Variants in FILIP1L observed in about 807,000 individuals in gnomAD.
The protein encoded by FILIP1L is filamin A-interacting protein 1-like.
Under a neutral mutation model 96.6 loss-of-function variants are expected in FILIP1L, and 55 were observed. The observed-to-expected ratio is 0.57, with a 90% CI of 0.46 to 0.71. FILIP1L has a LOEUF of 0.71. Ranked by LOEUF, FILIP1L falls within the 30% of genes least tolerant of loss-of-function variation. The pLI is 0.00. For missense variants in FILIP1L, 1,304 were observed against 1,321.2 expected, an observed-to-expected ratio of 0.99 and a Z score of 0.20; for synonymous variants, 467 against 473.9, an observed-to-expected ratio of 0.99 and a Z score of 0.19.
At chr3:100,072,548 C>T (rs2065780495) in intron 1 of FILIP1L, among the ~76,000 whole-genome samples, 2 of 152,190 alleles carry the variant, frequency 1.3e-5, no homozygotes, top group Admixed American at 1.3e-4. Context: ...AGTTGTGACA[C>T]CTTCTCTGGC....
Position 99,950,502 on chromosome 3 carries a change from C to T in FILIP1L, c.-10-19472G>A, listed in dbSNP as rs115556630. ...TTTTTCACTTCTTTATATTATCTTCCGTTTTCACTAGTCTCCCCTGGTGAC... is the reference window on the plus strand; with the variant it reads ...TTTTTCACTTCTTTATATTATCTTCTGTTTTCACTAGTCTCCCCTGGTGAC... On this transcript the variant is annotated intron_variant, in intron 1 of 5. Transcript: ENST00000477258. Among the ~76,000 whole-genome samples, 1,031 of 152,228 alleles carry T rather than the reference C, an allele frequency of 6.8e-3. 14 individuals are homozygous for T. The highest frequency in any genetic ancestry group is 0.023 in the African/African-American group (955 of 41,510).
At chr3:100,053,283 T>C (rs775708792) in intron 1 of FILIP1L, among the ~76,000 whole-genome samples, 1 of 152,214 alleles carries the variant, frequency 6.6e-6, no homozygotes, top group Admixed American at 6.5e-5. Flanking sequence ...CTCACAGTTC[T>C]AGAGGCTAGA....
At chr3:99,831,345 C>T (rs897238257) in intron 5 of FILIP1L, among the ~76,000 whole-genome samples, 2 of 152,184 alleles carry the variant, frequency 1.3e-5, no homozygotes, top group Non-Finnish European at 2.9e-5. Context: ...AAAATGCACC[C>T]ATGCTATTGG....
chr3:100,026,856 A>G (rs2064931526), intron 1 of FILIP1L, among the ~76,000 whole-genome samples: 1 of 152,018 alleles, frequency 6.6e-6, no homozygotes, highest in Non-Finnish European at 1.5e-5. Context: ...ACATCGCCCC[A>G]CTGCCCACAA....
At chr3:100,054,560 C>CTA (rs1204118355) in intron 1 of FILIP1L, among the ~76,000 whole-genome samples, 1 of 149,244 alleles carries the variant, frequency 6.7e-6, no homozygotes, top group Admixed American at 6.8e-5. Flanking sequence ...ATGTTGTTAC[C>CTA]TACCTGCCCC....
At chr3:100,088,333 A>G (rs954014481) in intron 1 of FILIP1L, among the ~76,000 whole-genome samples, 2 of 152,194 alleles carry the variant, frequency 1.3e-5, no homozygotes, top group African/African-American at 4.8e-5. Flanking sequence ...TGTAACGCTC[A>G]GACATTATGG....
intron 5 of FILIP1L, among the ~76,000 whole-genome samples, chr3:99,834,863 A>T (rs1216777597): frequency 6.6e-6 from 1 of 151,976 alleles, no homozygotes; most frequent in Non-Finnish European, 1.5e-5. Context: ...ACCCATGTAA[A>T]CCTCAGTTTC....
intron 3 of FILIP1L, chr3:99,925,974 A>G: frequency 1.4e-6 from 1 of 696,396 alleles, no homozygotes; most frequent in South Asian, 6.4e-5. Flanking sequence ...ATAAATTAAT[A>G]TCTATTAAGA....
chr3:99,896,478 C>G (rs755138278), intron 4 of FILIP1L, among the ~76,000 whole-genome samples: 5 of 151,982 alleles, frequency 3.3e-5, no homozygotes, highest in Non-Finnish European at 5.9e-5. Context: ...ATGGTAGTCA[C>G]CTTAAGCTAC....
At chr3:99,973,251 G>A (rs1051548099) in intron 1 of FILIP1L, among the ~76,000 whole-genome samples, 1 of 152,086 alleles carries the variant, frequency 6.6e-6, no homozygotes, top group Non-Finnish European at 1.5e-5. Context: ...CTCTTCTTGT[G>A]ATCTCATTAG....
intron 1 of FILIP1L, among the ~76,000 whole-genome samples, chr3:99,999,540 A>T (rs1428402627): frequency 6.6e-6 from 1 of 152,200 alleles, no homozygotes; most frequent in East Asian, 1.9e-4. Flanking sequence ...ATATCCTTAC[A>T]CTGTATAAGC....
intron 4 of FILIP1L, among the ~76,000 whole-genome samples, chr3:99,901,970 A>G (rs1706452760): frequency 6.6e-6 from 1 of 152,186 alleles, no homozygotes; most frequent in African/African-American, 2.4e-5. Flanking sequence ...AATAAACAAA[A>G]CAAAACACAG....
At chr3:100,008,850 G>A (rs1362988814) in intron 1 of FILIP1L, among the ~76,000 whole-genome samples, 1 of 152,188 alleles carries the variant, frequency 6.6e-6, no homozygotes, top group East Asian at 1.9e-4. Context: ...ACTAGATGCA[G>A]CAAAGTGATT....
In FILIP1L at chr3:100,014,110, A is replaced by G. The variant is rs554758726; in HGVS notation, c.-10-83080T>C. On this transcript the variant is annotated intron_variant, in intron 1 of 5. Coordinates refer to ENST00000477258, the MANE Select transcript of FILIP1L (RefSeq NM_001387850.1). ...TCCCTGGCTTATTTCATTTAACATA[A>G]TGTCCTCCAGGTTCATCCACATTGT... Among the ~76,000 whole-genome samples, 66 of 151,392 alleles carry G rather than the reference A, an allele frequency of 4.4e-4. No homozygotes were observed. The South Asian group carries it at 0.011, about 26-fold the overall frequency.
chr3:99,938,948 C>A (rs1199101700), intron 1 of FILIP1L, among the ~76,000 whole-genome samples: 1 of 152,092 alleles, frequency 6.6e-6, no homozygotes, highest in African/African-American at 2.4e-5. Context: ...AACAAGATAA[C>A]CTAATTTAGT....
chr3:100,062,417 GTCT>G (rs944578075), intron 1 of FILIP1L, among the ~76,000 whole-genome samples: 3 of 151,986 alleles, frequency 2.0e-5, no homozygotes, highest in Non-Finnish European at 2.9e-5. Context: ...GGTCTATCCT[GTCT>G]TCTTTTAACA....
At chr3:100,091,247 T>G (rs942775036) in intron 1 of FILIP1L, among the ~76,000 whole-genome samples, 1 of 143,346 alleles carries the variant, frequency 7.0e-6, no homozygotes, top group Non-Finnish European at 1.5e-5. Context: ...ATTGCGCCAC[T>G]GCACTCCAGA....
intron 4 of FILIP1L, among the ~76,000 whole-genome samples, chr3:99,913,881 C>G (rs1706871588): frequency 6.6e-6 from 1 of 152,142 alleles, no homozygotes. Context: ...TCTTCTGAAG[C>G]TACAAGTTTG....
At chr3:99,881,105 A>G (rs527535249) in intron 4 of FILIP1L, among the ~76,000 whole-genome samples, 10 of 152,236 alleles carry the variant, frequency 6.6e-5, no homozygotes, top group African/African-American at 2.4e-4. Context: ...ATAAGGAATC[A>G]TCTGTTGGTA....
Sources: gnomAD v4.1 joint callset for allele counts (sites outside exome capture counted in the v4.1 genomes callset) on GRCh38, gnomAD v4.1.1 for gene constraint, MANE v1.5 for transcripts, NCBI Gene and HGNC (gene_info 2026-07-23, HGNC 2026-07-21) for gene names.